Variants in PAPPA2 observed in about 807,000 individuals in gnomAD.
PAPPA2 encodes the protein pappalysin-2.
In PAPPA2, 86 loss-of-function variants were observed where a neutral mutation model predicts 176.4. The observed-to-expected ratio is 0.49, with a 90% CI of 0.41 to 0.58. PAPPA2 has a LOEUF of 0.58. Among genes scored for constraint, PAPPA2 ranks in the 20% least tolerant of loss-of-function variants. The pLI is 0.00. For missense variants in PAPPA2, 2,073 were observed against 2,256.9 expected, an observed-to-expected ratio of 0.92 and a Z score of 1.65; for synonymous variants, 809 against 852.2, an observed-to-expected ratio of 0.95 and a Z score of 0.88.
chr1:176,569,927 C>G (rs1341488615), intron 2 of PAPPA2, among the ~76,000 whole-genome samples: 2 of 152,144 alleles, frequency 1.3e-5, no homozygotes, highest in Non-Finnish European at 2.9e-5. Flanking sequence ...CCTCAACTCC[C>G]CCTTCCTCAT....
At chr1:176,598,461 T>C (rs1654106978) in intron 3 of PAPPA2, among the ~76,000 whole-genome samples, 2 of 152,236 alleles carry the variant, frequency 1.3e-5, no homozygotes, top group South Asian at 4.1e-4. Flanking sequence ...TGTATTATAG[T>C]ATTATGACTG....
At position 176,845,043 on chromosome 1, in the gene PAPPA2, G is replaced by GTCTT. The variant is rs1667617845; in HGVS notation, c.*2591_*2594dup. 6.6e-6 allele frequency: 1 copy of GTCTT among 152,196 alleles called. No homozygotes were observed. The highest frequency in any genetic ancestry group is 2.4e-5 in the African/African-American group (1 of 41,452). 9.4% of individuals were successfully genotyped at this position (152,196 alleles called of 1,614,324 possible). On this transcript the variant is annotated 3_prime_UTR_variant, in exon 23 of 23. Coordinates refer to ENST00000367662, the MANE Select transcript of PAPPA2 (RefSeq NM_020318.3). ...TATTCAGAGACAGCAGGTTCTTCCAGTCTTTGTTCCTGGGACCTGATGTTT... is the reference window on the plus strand; with the variant it reads ...TATTCAGAGACAGCAGGTTCTTCCAGTCTTTCTTTGTTCCTGGGACCTGATGTTT...
intron 21 of PAPPA2, among the ~76,000 whole-genome samples, chr1:176,808,943 C>T (rs940078079): frequency 1.3e-5 from 2 of 152,068 alleles, no homozygotes; most frequent in Non-Finnish European, 2.9e-5. Context: ...CCAGTGAGAA[C>T]AGAAGAGAAT....
At chr1:176,674,674 T>C (rs1365098442) in intron 4 of PAPPA2, among the ~76,000 whole-genome samples, 1 of 152,116 alleles carries the variant, frequency 6.6e-6, no homozygotes, top group East Asian at 1.9e-4. Context: ...TAATGGACGT[T>C]TGGACTGGTT....
chr1:176,742,407 A>G (rs531162526), intron 14 of PAPPA2, among the ~76,000 whole-genome samples: 5 of 152,300 alleles, frequency 3.3e-5, no homozygotes, highest in Admixed American at 2.0e-4. Flanking sequence ...ATTAATTGTA[A>G]TTACTGCCGC....
At chr1:176,815,313 A>T (rs1182015099) in intron 21 of PAPPA2, among the ~76,000 whole-genome samples, 1 of 152,114 alleles carries the variant, frequency 6.6e-6, no homozygotes, top group East Asian at 1.9e-4. Flanking sequence ...GTAATATTTT[A>T]AAAAATTAAT....
At chr1:176,800,383 T>C (rs1190638836) in intron 21 of PAPPA2, among the ~76,000 whole-genome samples, 1 of 152,236 alleles carries the variant, frequency 6.6e-6, no homozygotes, top group Non-Finnish European at 1.5e-5. Flanking sequence ...AAAAAGCAAG[T>C]CAGAATTATT....
At chr1:176,511,399 A>T (rs904497162) in intron 1 of PAPPA2, among the ~76,000 whole-genome samples, 4 of 152,204 alleles carry the variant, frequency 2.6e-5, no homozygotes, top group Non-Finnish European at 4.4e-5. Context: ...AATCTGCAAA[A>T]ACTTACAGTG....
Position 176,571,114 on chromosome 1 carries a change from A to G in PAPPA2, c.919+13873A>G, listed in dbSNP as rs571341264. Among the ~76,000 whole-genome samples, 3 of 152,246 alleles carry G rather than the reference A, an allele frequency of 2.0e-5. No individual in the cohort carries two copies. In the South Asian group the frequency reaches 6.2e-4, roughly 32 times the overall value. ...GCAATGGCATTGAATGGACGCATGG[A>G]GGACAATCTGGCTCCTCATACACAC... On this transcript the variant is annotated intron_variant, in intron 2 of 22. Transcript: ENST00000367662.
At chr1:176,468,348 A>G (rs143014025) in intron 1 of PAPPA2, among the ~76,000 whole-genome samples, 4 of 152,298 alleles carry the variant, frequency 2.6e-5, no homozygotes, top group Non-Finnish European at 4.4e-5. Context: ...AGGAAAAGCA[A>G]ATCTGCTTAT....
chr1:176,725,710 GCACA>G (rs887209985), intron 12 of PAPPA2, among the ~76,000 whole-genome samples: 5 of 152,058 alleles, frequency 3.3e-5, no homozygotes, highest in Admixed American at 2.0e-4. Flanking sequence ...GCACGCGCGC[GCACA>G]CACACACTCA....
In PAPPA2 at chr1:176,556,116, G is replaced by T; in HGVS notation, c.-207G>T. 1.7e-6 allele frequency: 1 copy of T among 605,878 alleles called. No individual in the cohort carries two copies. The highest frequency in any genetic ancestry group is 2.9e-6 in the Non-Finnish European group (1 of 347,680). 37.5% of individuals were successfully genotyped at this position (605,878 alleles called of 1,614,324 possible). On this transcript the variant is annotated 5_prime_UTR_variant, in exon 2 of 23. The change creates a new upstream start codon in the 5' untranslated region. Coordinates refer to ENST00000367662, the MANE Select transcript of PAPPA2 (RefSeq NM_020318.3). ...GTGCGGGAAGCACATGCCCTGGGGA[G>T]GCATAGAAGCCACACTGGCAGAGCG...
intron 3 of PAPPA2, among the ~76,000 whole-genome samples, chr1:176,617,211 G>C (rs1655312152): frequency 6.6e-6 from 1 of 152,108 alleles, no homozygotes; most frequent in Admixed American, 6.5e-5. Context: ...CTCAATGTGT[G>C]ACCAAGAACA....
chr1:176,526,780 T>C (rs1319248464), intron 1 of PAPPA2, among the ~76,000 whole-genome samples: 1 of 152,192 alleles, frequency 6.6e-6, no homozygotes, highest in African/African-American at 2.4e-5. Flanking sequence ...GAGAGTGACA[T>C]GGCACAGGGC....
At chr1:176,469,874 C>G (rs1651793933) in intron 1 of PAPPA2, among the ~76,000 whole-genome samples, 1 of 152,162 alleles carries the variant, frequency 6.6e-6, no homozygotes, top group Non-Finnish European at 1.5e-5. Context: ...TCTTTGCTCA[C>G]TCTAACGTGT....
chr1:176,822,487 ATATT>A (rs1571379105), intron 21 of PAPPA2, among the ~76,000 whole-genome samples: 1 of 152,216 alleles, frequency 6.6e-6, no homozygotes, highest in Admixed American at 6.5e-5. Context: ...ATTTTTGTAT[ATATT>A]TAATTCCAGT....
intron 14 of PAPPA2, among the ~76,000 whole-genome samples, chr1:176,748,812 C>T (rs112946575): frequency 5.9e-5 from 9 of 152,038 alleles, no homozygotes; most frequent in African/African-American, 1.4e-4. Flanking sequence ...TTGTAGCCTA[C>T]GAGCAGTAGG....
intron 15 of PAPPA2, 127 bp downstream of exon 15, chr1:176,765,964 T>C: frequency 9.1e-7 from 1 of 1,100,624 alleles, no homozygotes; most frequent in Non-Finnish European, 1.3e-6. Context: ...ACATGGGGGC[T>C]CTAACAAGCA....
At chr1:176,668,501 T>C (rs1382079886) in intron 3 of PAPPA2, among the ~76,000 whole-genome samples, 1 of 152,182 alleles carries the variant, frequency 6.6e-6, no homozygotes, top group Non-Finnish European at 1.5e-5. Flanking sequence ...GAAAATAATA[T>C]CCATTTTTTT....
Sources: allele counts gnomAD v4.1 joint callset (sites outside exome capture counted in the v4.1 genomes callset), GRCh38; gene constraint gnomAD v4.1.1; transcripts MANE v1.5; gene names NCBI Gene and HGNC (gene_info 2026-07-23, HGNC 2026-07-21).